EARS2: variants seen among roughly 807,000 people sequenced by gnomAD.
EARS2 encodes the protein glutamyl-tRNA synthetase 2, mitochondrial.
Under a neutral mutation model 54.1 loss-of-function variants are expected in EARS2, and 50 were observed. The ratio of observed to expected loss-of-function variants is 0.92; its 90% CI spans 0.74 to 1.17. The LOEUF (loss-of-function observed/expected upper bound fraction) is 1.17, where lower values mean the gene tolerates loss of function less well. Among genes scored for constraint, EARS2 ranks in the 50% most tolerant of loss-of-function variants. The pLI, the probability that EARS2 is intolerant of heterozygous loss-of-function variation, is 0.00. For missense variants in EARS2, 673 were observed against 675.0 expected, an observed-to-expected ratio of 1.00 and a Z score of 0.03; for synonymous variants, 298 against 281.0, an observed-to-expected ratio of 1.06 and a Z score of -0.61.
intron 8 of EARS2, chr16:23,525,040 C>A (rs993193387): frequency 4.5e-6 from 3 of 665,962 alleles, no homozygotes; most frequent in African/African-American, 3.6e-5. Flanking sequence ...GTGTTTAATT[C>A]TATATTGTAT....
At chr16:23,528,340 A>G (rs778144300) in intron 7 of EARS2, among the ~76,000 whole-genome samples, 25 of 152,236 alleles carry the variant, frequency 1.6e-4, no homozygotes, top group Admixed American at 1.0e-3. Flanking sequence ...ACTCTCCCCA[A>G]TGGCACTGCA....
At chr16:23,550,442 T>TG (rs1965676136) in intron 2 of EARS2, among the ~76,000 whole-genome samples, 1 of 143,630 alleles carries the variant, frequency 7.0e-6, no homozygotes, top group African/African-American at 2.6e-5. Context: ...GGTCTTTTTT[T>TG]TTTTTTTTTT....
Position 23,521,221 on chromosome 16 carries a change from T to C in EARS2, c.*3150A>G, listed in dbSNP as rs962640372. ...TAATGTTGTGCAATTATCACCACCA[T>C]TGACCCCTGTAACTACATCTTGCAA... On this transcript the variant is annotated 3_prime_UTR_variant, in exon 9 of 9. Coordinates refer to ENST00000449606, the MANE Select transcript of EARS2 (RefSeq NM_001083614.2). Among the ~76,000 whole-genome samples, 4 of 152,216 alleles carry C rather than the reference T, an allele frequency of 2.6e-5. No homozygotes were observed. Among genetic ancestry groups the C allele is most frequent in the Non-Finnish European group, 5.9e-5 (4 of 68,042 alleles).
At chr16:23,524,622 C>G (rs1467267272) in intron 8 of EARS2, among the ~76,000 whole-genome samples, 168 bp from the exon 9 acceptor site, 4 of 150,934 alleles carry the variant, frequency 2.7e-5, no homozygotes, top group Non-Finnish European at 4.4e-5. Context: ...GTCCTAAGAG[C>G]CTGTTTCTCC....
At chr16:23,552,501 GTTTT>G (rs1185259928) in intron 1 of EARS2, among the ~76,000 whole-genome samples, 197 bp from the exon 2 acceptor site, 1 of 151,702 alleles carries the variant, frequency 6.6e-6, no homozygotes, top group Non-Finnish European at 1.5e-5. Context: ...GTTCCTGTAG[GTTTT>G]TTAAGACAAG....
At position 23,534,988 on chromosome 16, in the gene EARS2, G is replaced by A. The variant is rs745982944; in HGVS notation, c.858C>T (p.Ser286=). 6.2e-7 allele frequency: 1 copy of A among 1,612,868 alleles called. No homozygotes were observed. Among genetic ancestry groups the A allele is most frequent in the African/African-American group, 1.3e-5 (1 of 75,036 alleles). ...LLLNRDGSKL[S]KRQGDVFLEH... ...CCAGGAAAACGTCCCCTTGCCTCTT[G>A]GAGAGCTTGCTGCCATCCCTGTTGA... The change falls in exon 4 of 9, where the codon TCC becomes TCT. Residue 286 remains serine, a synonymous_variant. Transcript: ENST00000449606.
chr16:23,526,971 T>TTA (rs869061010), intron 7 of EARS2, among the ~76,000 whole-genome samples: 12 of 139,030 alleles, frequency 8.6e-5, no homozygotes, highest in East Asian at 2.1e-4. Flanking sequence ...TAATTAATTA[T>TTA]TTTTTTTTTA....
chr16:23,527,317 G>A (rs1220487708), intron 7 of EARS2, among the ~76,000 whole-genome samples: 3 of 152,158 alleles, frequency 2.0e-5, no homozygotes, highest in African/African-American at 4.8e-5. Flanking sequence ...AAGAGGAACT[G>A]GGGCTGGACA....
At position 23,524,351 on chromosome 16, in the gene EARS2, C is replaced by G. The variant is rs1387931077; in HGVS notation, c.*20G>C. 1 of 1,607,064 alleles carries G rather than the reference C, an allele frequency of 6.2e-7. No homozygotes were observed. Among genetic ancestry groups the G allele is most frequent in the Non-Finnish European group, 8.5e-7 (1 of 1,173,444 alleles). On this transcript the variant is annotated 3_prime_UTR_variant, in exon 9 of 9. Transcript: ENST00000449606. ...TCACAGGTTCTTAGGGCGATCTCCACTGCCCGAAACATCCTCTCCCTAGCT... is the reference window on the plus strand; with the variant it reads ...TCACAGGTTCTTAGGGCGATCTCCAGTGCCCGAAACATCCTCTCCCTAGCT...
chr16:23,555,804 C>A (rs925217804), intron 1 of EARS2, among the ~76,000 whole-genome samples: 1 of 152,208 alleles, frequency 6.6e-6, no homozygotes, highest in African/African-American at 2.4e-5. Flanking sequence ...TTTTCAGCCT[C>A]CTGAGTAGCT....
chr16:23,548,496 C>G (rs1486442951), intron 2 of EARS2, among the ~76,000 whole-genome samples: 2 of 152,104 alleles, frequency 1.3e-5, no homozygotes, highest in Admixed American at 1.3e-4. Context: ...ATCCCTCATG[C>G]CTGGCGTGGT....
chr16:23,543,325 C>G (rs1194222000), intron 3 of EARS2, among the ~76,000 whole-genome samples: 2 of 151,060 alleles, frequency 1.3e-5, no homozygotes, highest in East Asian at 3.9e-4. Flanking sequence ...GATGGGGGCA[C>G]TGCGTGAGTC....
rs371573975 is a variant in EARS2, at chr16:23,552,144, C to T, written c.295+5G>A. The T allele has an allele frequency of 1.2e-6, 2 of 1,612,092 alleles. No individual in the cohort carries two copies. The highest frequency in any genetic ancestry group is 1.7e-6 in the Non-Finnish European group (2 of 1,178,448). ...GCAGAAAGATCCTTTCTCTGCCAGGCTTACCTGCCCACTCCAGCATGTCCT... is the reference window on the plus strand; with the variant it reads ...GCAGAAAGATCCTTTCTCTGCCAGGTTTACCTGCCCACTCCAGCATGTCCT... On this transcript the variant is annotated splice_donor_5th_base_variant and intron_variant, in intron 2 of 8. Transcript: ENST00000449606.
chr16:23,539,034 G>A (rs1282491767), intron 3 of EARS2, among the ~76,000 whole-genome samples: 1 of 133,150 alleles, frequency 7.5e-6, no homozygotes, highest in East Asian at 2.2e-4. Context: ...CTGGAGTGCA[G>A]TGGCACAATC....
At chr16:23,528,226 T>C (rs1965263518) in intron 7 of EARS2, among the ~76,000 whole-genome samples, 1 of 152,202 alleles carries the variant, frequency 6.6e-6, no homozygotes, top group Non-Finnish European at 1.5e-5. Flanking sequence ...AGCAACCCCA[T>C]GGACTGAGAC....
chr16:23,552,066 G>A lies in EARS2; in HGVS notation c.295+83C>T, dbSNP rs546320024. Reference sequence around the variant, plus strand: ...CCAGGAACTCCCCATTTTCCACTCAGAACTCCATGAGAAGACCCACAGGCT... The same window carrying A: ...CCAGGAACTCCCCATTTTCCACTCAAAACTCCATGAGAAGACCCACAGGCT... On this transcript the variant is annotated intron_variant, in intron 2 of 8. Coordinates refer to ENST00000449606, the MANE Select transcript of EARS2 (RefSeq NM_001083614.2). The A allele has an allele frequency of 1.2e-5, 19 of 1,528,246 alleles. No homozygotes were observed. The African/African-American group carries it at 2.6e-4, about 21-fold the overall frequency. The allele number at this position is 1,528,246 out of a possible 1,614,324, so 94.7% of individuals were successfully genotyped here. A position where few individuals can be genotyped will look rare whatever the true frequency, so the allele number is the denominator to read the frequency against.
chr16:23,535,377 C>T lies in EARS2; in HGVS notation c.486-17G>A. On this transcript the variant is annotated splice_polypyrimidine_tract_variant and intron_variant, in intron 3 of 8. Transcript: ENST00000449606. ...TTGTCATACCTGATGGGGAGCAGAG[C>T]AGCATGAGTACTGTTGATGGAAAGG... The T allele has an allele frequency of 1.3e-6, 2 of 1,591,498 alleles. No homozygotes were observed. The highest frequency in any genetic ancestry group is 2.2e-5 in the South Asian group (2 of 90,162).
intron 2 of EARS2, among the ~76,000 whole-genome samples, chr16:23,545,814 T>A (rs1337350608): frequency 6.6e-6 from 1 of 152,100 alleles, no homozygotes; most frequent in African/African-American, 2.4e-5. Flanking sequence ...CAGGTGCACA[T>A]CACCACATCT....
intron 3 of EARS2, among the ~76,000 whole-genome samples, chr16:23,539,712 C>CA (rs5816217): frequency 7.3e-5 from 11 of 150,082 alleles, no homozygotes; most frequent in South Asian, 2.1e-4. Flanking sequence ...TATAATTTAA[C>CA]AAAAAAAAAA....
Sources: gnomAD v4.1 joint callset for allele counts (sites outside exome capture counted in the v4.1 genomes callset) on GRCh38, gnomAD v4.1.1 for gene constraint, MANE v1.5 for transcripts, NCBI Gene and HGNC (gene_info 2026-07-23, HGNC 2026-07-21) for gene names.